Variants in RIMS2 observed in about 807,000 individuals in gnomAD.
The protein encoded by RIMS2 is regulating synaptic membrane exocytosis 2.
A neutral mutation model predicts 174.4 loss-of-function variants in RIMS2; 59 were observed. The observed-to-expected ratio is 0.34, with a 90% CI of 0.27 to 0.42. RIMS2 has a LOEUF of 0.42. Ranked by LOEUF, RIMS2 falls within the 10% of genes least tolerant of loss-of-function variation. RIMS2 has a pLI of 1.00. For synonymous variants in RIMS2, 606 were observed against 572.5 expected (o/e 1.06, Z -0.84); for missense variants, 1,620 against 1,666.3 (o/e 0.97, Z 0.48).
chr8:104,110,068 A>G (rs1005349887), intron 19 of RIMS2, among the ~76,000 whole-genome samples: 5 of 152,198 alleles, frequency 3.3e-5, no homozygotes, highest in Middle Eastern at 3.2e-3. Context: ...AATAAAAAGT[A>G]TAAAAAGTAA....
At chr8:104,084,205 C>A (rs1215537756) in intron 19 of RIMS2, among the ~76,000 whole-genome samples, 1 of 151,874 alleles carries the variant, frequency 6.6e-6, no homozygotes, top group Non-Finnish European at 1.5e-5. Flanking sequence ...ATTTGGGAGG[C>A]CGAGGCGGGT....
chr8:103,592,026 C>A (rs1313787644), intron 1 of RIMS2, among the ~76,000 whole-genome samples: 1 of 151,186 alleles, frequency 6.6e-6, no homozygotes, highest in Non-Finnish European at 1.5e-5. Flanking sequence ...ACTTCCAATT[C>A]ATGAATACTA....
chr8:104,119,133 G>T (rs2132220631), intron 19 of RIMS2, among the ~76,000 whole-genome samples: 1 of 151,192 alleles, frequency 6.6e-6, no homozygotes, highest in South Asian at 2.1e-4. Flanking sequence ...GGATCATGAA[G>T]TCAAGAGATC....
intron 14 of RIMS2, among the ~76,000 whole-genome samples, chr8:103,959,354 C>T (rs2088938904): frequency 6.6e-6 from 1 of 151,990 alleles, no homozygotes; most frequent in East Asian, 1.9e-4. Context: ...TTATACTCTG[C>T]TTTCTGTCTG....
At chr8:103,793,809 T>A (rs189343107) in intron 3 of RIMS2, among the ~76,000 whole-genome samples, 3,292 of 152,152 alleles carry the variant, frequency 0.022, 63 homozygotes, top group Middle Eastern at 0.041. Flanking sequence ...GAGAGCCAAA[T>A]CATGAGTGAA....
intron 2 of RIMS2, among the ~76,000 whole-genome samples, chr8:103,739,200 TA>T (rs1439660383): frequency 3.9e-5 from 6 of 152,040 alleles, no homozygotes; most frequent in African/African-American, 1.4e-4. Context: ...TATGCAGCCA[TA>T]AAAAAGGATG....
intron 15 of RIMS2, among the ~76,000 whole-genome samples, chr8:103,961,842 T>G (rs2090195630): frequency 6.6e-6 from 1 of 152,272 alleles, no homozygotes; most frequent in East Asian, 1.9e-4. Flanking sequence ...TAACAATATT[T>G]TTTTGCCAAT....
chr8:103,730,672 G>A (rs2097580764), intron 2 of RIMS2, among the ~76,000 whole-genome samples: 1 of 152,090 alleles, frequency 6.6e-6, no homozygotes, highest in Non-Finnish European at 1.5e-5. Flanking sequence ...GTTACCATTA[G>A]CAATGAGTTT....
At chr8:103,638,053 A>G (rs929095440) in intron 1 of RIMS2, among the ~76,000 whole-genome samples, 1 of 151,880 alleles carries the variant, frequency 6.6e-6, no homozygotes, top group Non-Finnish European at 1.5e-5. Flanking sequence ...GTGGTATCAC[A>G]TCATATCAGG....
intron 19 of RIMS2, among the ~76,000 whole-genome samples, chr8:104,084,925 T>C (rs1484832546): frequency 6.6e-6 from 1 of 152,196 alleles, no homozygotes; most frequent in Admixed American, 6.5e-5. Context: ...CACACCCATA[T>C]CTTTCAGCTC....
At chr8:103,562,270 C>T (rs2091711040) in intron 1 of RIMS2, among the ~76,000 whole-genome samples, 1 of 152,214 alleles carries the variant, frequency 6.6e-6, no homozygotes, top group South Asian at 2.1e-4. Context: ...GTCCCTTCTG[C>T]CTACGAGCCT....
intron 1 of RIMS2, among the ~76,000 whole-genome samples, chr8:103,596,874 C>A (rs779407863): frequency 2.0e-5 from 3 of 151,938 alleles, no homozygotes; most frequent in Non-Finnish European, 4.4e-5. Context: ...GTAATAATTG[C>A]ATCACTAATT....
intron 19 of RIMS2, among the ~76,000 whole-genome samples, chr8:104,161,167 C>G (rs2098758266): frequency 6.6e-6 from 1 of 152,058 alleles, no homozygotes; most frequent in Non-Finnish European, 1.5e-5. Flanking sequence ...ATAAGTTTAG[C>G]TGTTATCATT....
chr8:103,509,038 C>G (rs1035615533), intron 1 of RIMS2, among the ~76,000 whole-genome samples: 3 of 151,898 alleles, frequency 2.0e-5, no homozygotes, highest in Non-Finnish European at 4.4e-5. Context: ...TGTGAAGTGG[C>G]TTATTTTATT....
At chr8:104,125,521 C>T (rs2098421269) in intron 19 of RIMS2, among the ~76,000 whole-genome samples, 1 of 152,044 alleles carries the variant, frequency 6.6e-6, no homozygotes, top group Non-Finnish European at 1.5e-5. Flanking sequence ...AACTAAGAGA[C>T]AAAATTAAAG....
At chr8:103,641,641 T>C in intron 1 of RIMS2, among the ~76,000 whole-genome samples, 1 of 152,112 alleles carries the variant, frequency 6.6e-6, no homozygotes, top group Non-Finnish European at 1.5e-5. Flanking sequence ...GTTTAGGTCA[T>C]GGAGGTGTAT....
chr8:103,844,849 T>C (rs2098959498), intron 3 of RIMS2, among the ~76,000 whole-genome samples: 2 of 152,200 alleles, frequency 1.3e-5, no homozygotes, highest in South Asian at 4.1e-4. Flanking sequence ...TCTTCTACCT[T>C]AGCTATTCTT....
chr8:103,848,794 G>T (rs1028614165), intron 3 of RIMS2, among the ~76,000 whole-genome samples: 20 of 152,018 alleles, frequency 1.3e-4, no homozygotes, highest in African/African-American at 4.6e-4. Context: ...TACCATAGAA[G>T]ATTTGCTTAG....
At chr8:103,868,839 A>G (rs1427983017) in intron 3 of RIMS2, among the ~76,000 whole-genome samples, 2 of 152,120 alleles carry the variant, frequency 1.3e-5, no homozygotes, top group East Asian at 1.9e-4. Context: ...ATAGCTACAA[A>G]TGTAGTCCTA....
Sources: gnomAD v4.1 joint callset for allele counts (sites outside exome capture counted in the v4.1 genomes callset) on GRCh38, gnomAD v4.1.1 for gene constraint, MANE v1.5 for transcripts, NCBI Gene and HGNC (gene_info 2026-07-23, HGNC 2026-07-21) for gene names.